Variants in ARFGEF1 observed in about 807,000 individuals in gnomAD.
ARFGEF1 encodes the protein ARF guanine nucleotide exchange factor 1.
In ARFGEF1, 42 loss-of-function variants were observed where a neutral mutation model predicts 231.0. The ratio of observed to expected loss-of-function variants is 0.18; its 90% CI spans 0.14 to 0.24. The LOEUF is 0.24. Among genes scored for constraint, ARFGEF1 ranks in the 10% least tolerant of loss-of-function variants. ARFGEF1 has a pLI of 1.00. For missense variants in ARFGEF1, 1,345 were observed against 2,192.0 expected (o/e 0.61, Z 7.72); for synonymous variants, 710 against 732.3 (o/e 0.97, Z 0.49).
intron 5 of ARFGEF1, among the ~76,000 whole-genome samples, chr8:67,177,224 G>A (rs1831908513): frequency 6.6e-6 from 1 of 152,016 alleles, no homozygotes; most frequent in Admixed American, 6.6e-5. Flanking sequence ...CTATTCACAG[G>A]AACACATAGG....
intron 16 of ARFGEF1, 118 bp downstream of exon 16, chr8:67,257,967 G>A (rs1840514973): frequency 8.6e-7 from 1 of 1,169,140 alleles, no homozygotes; most frequent in Admixed American, 2.4e-5. Flanking sequence ...CCAGATTGTA[G>A]ACAATCTAAA....
At chr8:67,333,129 G>T (rs1333329565) in intron 1 of ARFGEF1, among the ~76,000 whole-genome samples, 2 of 150,214 alleles carry the variant, frequency 1.3e-5, no homozygotes, top group African/African-American at 4.9e-5. Context: ...TCCACCTCCC[G>T]GGATCAAGCG....
intron 17 of ARFGEF1, among the ~76,000 whole-genome samples, chr8:67,257,433 T>A (rs1840495472): frequency 6.6e-6 from 1 of 152,194 alleles, no homozygotes; most frequent in African/African-American, 2.4e-5. Flanking sequence ...TTTTCCATGT[T>A]GTGACAAACT....
At chr8:67,336,633 T>C (rs1322920645) in intron 1 of ARFGEF1, among the ~76,000 whole-genome samples, 2 of 152,138 alleles carry the variant, frequency 1.3e-5, no homozygotes, top group Non-Finnish European at 1.5e-5. Flanking sequence ...CACATGGACT[T>C]TTTCCTTTGT....
chr8:67,281,657 A>C lies in ARFGEF1; in HGVS notation c.1028-4200T>G, dbSNP rs537361615. Reference sequence around the variant, plus strand: ...ATAAATGCTGTAAAGGAAGAGACAAAGATAAAAATATCATTATTCACTTAG... The same window carrying C: ...ATAAATGCTGTAAAGGAAGAGACAACGATAAAAATATCATTATTCACTTAG... On this transcript the variant is annotated intron_variant, in intron 7 of 38. Coordinates refer to ENST00000262215, the MANE Select transcript of ARFGEF1 (RefSeq NM_006421.5). 2.0e-5 allele frequency among the ~76,000 whole-genome samples: 3 copies of C among 152,250 alleles called. No individual in the cohort carries two copies. In the South Asian group the frequency reaches 6.2e-4, roughly 32 times the overall value.
intron 1 of ARFGEF1, among the ~76,000 whole-genome samples, chr8:67,337,579 G>C (rs927829387): frequency 2.1e-5 from 3 of 145,106 alleles, no homozygotes; most frequent in Non-Finnish European, 3.0e-5. Context: ...CTTTCTCTCT[G>C]TCTCTCTCCC....
intron 1 of ARFGEF1, among the ~76,000 whole-genome samples, chr8:67,336,761 A>G (rs1267703159): frequency 6.6e-6 from 1 of 152,198 alleles, no homozygotes; most frequent in Non-Finnish European, 1.5e-5. Context: ...CTACATCCAC[A>G]AAGTTCCTAT....
chr8:67,265,273 C>T (rs1014068517), intron 14 of ARFGEF1, among the ~76,000 whole-genome samples: 7 of 152,126 alleles, frequency 4.6e-5, no homozygotes, highest in African/African-American at 1.7e-4. Flanking sequence ...CTAAAAGGCA[C>T]TGCTTAAGTA....
chr8:67,274,444 AGGTCTT>A (rs940325375), intron 9 of ARFGEF1, among the ~76,000 whole-genome samples: 1 of 152,112 alleles, frequency 6.6e-6, no homozygotes, highest in Non-Finnish European at 1.5e-5. Flanking sequence ...CAAGTCAAGA[AGGTCTT>A]CAAACAAAAT....
intron 17 of ARFGEF1, among the ~76,000 whole-genome samples, chr8:67,255,451 C>T (rs531323203): frequency 5.3e-5 from 8 of 152,074 alleles, no homozygotes; most frequent in Non-Finnish European, 1.2e-4. Flanking sequence ...TGACTCACCA[C>T]ACACTACATA....
chr8:67,192,381 C>A (rs1232341250), intron 5 of ARFGEF1, among the ~76,000 whole-genome samples: 1 of 152,106 alleles, frequency 6.6e-6, no homozygotes, highest in Admixed American at 6.5e-5. Context: ...AGCCCTTTGT[C>A]CATTTTCAAA....
chr8:67,314,161 G>T (rs898648109), intron 1 of ARFGEF1, among the ~76,000 whole-genome samples: 1 of 152,180 alleles, frequency 6.6e-6, no homozygotes, highest in African/African-American at 2.4e-5. Flanking sequence ...AAGCGCAAAA[G>T]GAGCTTGAAA....
In ARFGEF1 at chr8:67,343,456, G is replaced by A. The variant is rs900852032; in HGVS notation, c.-169C>T. On this transcript the variant is annotated 5_prime_UTR_variant, in exon 1 of 39. Transcript: ENST00000262215. ...AGGAAGGGGCGGGCGAGCGGGACCAGCCGCGGTGTCGGCGAAGGGCGTCGA... is the reference window on the plus strand; with the variant it reads ...AGGAAGGGGCGGGCGAGCGGGACCAACCGCGGTGTCGGCGAAGGGCGTCGA... 4.2e-5 allele frequency: 57 copies of A among 1,354,066 alleles called. No homozygotes were observed. Among genetic ancestry groups the A allele is most frequent in the Non-Finnish European group, 5.2e-5 (55 of 1,050,204 alleles). The allele number at this position is 1,354,066 out of a possible 1,614,324, so 83.9% of individuals were successfully genotyped here. A position where few individuals can be genotyped will look rare whatever the true frequency, so the allele number is the denominator to read the frequency against.
rs911804388 is a variant in ARFGEF1, at chr8:67,325,039, G to A, written c.124+18125C>T. On this transcript the variant is annotated intron_variant, in intron 1 of 38. Coordinates refer to ENST00000262215, the MANE Select transcript of ARFGEF1 (RefSeq NM_006421.5). ...AGCAATTCTCCTGCCTCAGCCTCCC[G>A]AACAGCTGGGATTATAGGTATGCAC... Among the ~76,000 whole-genome samples the A allele has an allele frequency of 4.0e-5, 6 of 151,488 alleles. No individual in the cohort carries two copies. The South Asian group carries it at 8.3e-4, about 21-fold the overall frequency.
chr8:67,321,430 C>T (rs1807587360), intron 1 of ARFGEF1, among the ~76,000 whole-genome samples: 1 of 151,958 alleles, frequency 6.6e-6, no homozygotes, highest in South Asian at 2.1e-4. Flanking sequence ...ATTTGTATAG[C>T]CAAGGATGAG....
At chr8:67,238,653 T>G in intron 21 of ARFGEF1, 82 bp downstream of exon 21, 1 of 1,513,164 alleles carries the variant, frequency 6.6e-7, no homozygotes. Context: ...TCCCCTAACA[T>G]TTAGGCATGT....
At chr8:67,201,751 G>A (rs1838337003) in intron 36 of ARFGEF1, 146 bp from the exon 37 acceptor site, 7 of 1,060,560 alleles carry the variant, frequency 6.6e-6, no homozygotes, top group Non-Finnish European at 8.2e-6. Flanking sequence ...TGATGTGAAG[G>A]TGATTTCCAT....
chr8:67,323,481 T>C (rs1807689819), intron 1 of ARFGEF1, among the ~76,000 whole-genome samples: 1 of 152,180 alleles, frequency 6.6e-6, no homozygotes, highest in Non-Finnish European at 1.5e-5. Context: ...TGGTGTCCCA[T>C]ATGCACTCAA....
chr8:67,329,413 C>T, intron 1 of ARFGEF1, among the ~76,000 whole-genome samples: 1 of 151,660 alleles, frequency 6.6e-6, no homozygotes, highest in South Asian at 2.1e-4. Context: ...CCTGTAGTCC[C>T]AGCTACTCGG....
Sources: allele counts gnomAD v4.1 joint callset (sites outside exome capture counted in the v4.1 genomes callset), GRCh38; gene constraint gnomAD v4.1.1; transcripts MANE v1.5; gene names NCBI Gene and HGNC (gene_info 2026-07-23, HGNC 2026-07-21).